DTNBP1: variants seen among roughly 807,000 people sequenced by gnomAD.
DTNBP1 encodes the protein dysbindin.
In DTNBP1, 35 loss-of-function variants were observed where a neutral mutation model predicts 42.8. That is an observed-to-expected ratio of 0.82 (90% confidence interval 0.63 to 1.09). The LOEUF is 1.09. Among genes scored for constraint, DTNBP1 ranks in the 50% least tolerant of loss-of-function variants. DTNBP1 has a pLI of 0.00. For missense variants in DTNBP1, 457 were observed against 424.2 expected (o/e 1.08, Z -0.68); for synonymous variants, 171 against 162.2 (o/e 1.05, Z -0.41).
intron 7 of DTNBP1, among the ~76,000 whole-genome samples, chr6:15,566,846 A>C (rs1476350799): frequency 6.6e-6 from 1 of 151,802 alleles, no homozygotes; most frequent in Non-Finnish European, 1.5e-5. Context: ...GATTATAGGC[A>C]CCCACCATCC....
At chr6:15,622,079 A>G (rs1759072865) in intron 5 of DTNBP1, among the ~76,000 whole-genome samples, 1 of 152,238 alleles carries the variant, frequency 6.6e-6, no homozygotes, top group African/African-American at 2.4e-5. Context: ...GAATTCAATA[A>G]AGAATAATTT....
At chr6:15,613,764 A>G (rs1561991933) in intron 6 of DTNBP1, among the ~76,000 whole-genome samples, 1 of 151,924 alleles carries the variant, frequency 6.6e-6, no homozygotes, top group Non-Finnish European at 1.5e-5. Context: ...CACACATACA[A>G]CCTTTTGTGA....
chr6:15,540,533 T>C (rs147934971), intron 7 of DTNBP1, among the ~76,000 whole-genome samples: 320 of 152,362 alleles, frequency 2.1e-3, no homozygotes, highest in African/African-American at 7.5e-3. Flanking sequence ...TCTCTCGTGT[T>C]GCTGAATTAT....
At chr6:15,531,165 G>T (rs894170220) in intron 8 of DTNBP1, among the ~76,000 whole-genome samples, 6 of 152,212 alleles carry the variant, frequency 3.9e-5, no homozygotes, top group African/African-American at 1.4e-4. Context: ...CCAGCATGCT[G>T]ATCTTGGATC....
At chr6:15,630,698 A>T (rs893607258) in intron 4 of DTNBP1, among the ~76,000 whole-genome samples, 1 of 152,130 alleles carries the variant, frequency 6.6e-6, no homozygotes, top group Non-Finnish European at 1.5e-5. Context: ...CTGGCGGATC[A>T]TGAGGTTGAG....
chr6:15,626,366 C>T (rs1313630179), intron 5 of DTNBP1, among the ~76,000 whole-genome samples: 2 of 152,208 alleles, frequency 1.3e-5, no homozygotes, highest in Non-Finnish European at 1.5e-5. Flanking sequence ...TACTACGTAT[C>T]TATTTTGTTC....
chr6:15,629,155 CA>C (rs1202906664), intron 4 of DTNBP1, among the ~76,000 whole-genome samples: 2 of 152,158 alleles, frequency 1.3e-5, no homozygotes, highest in Non-Finnish European at 2.9e-5. Context: ...TCTATGTTCA[CA>C]AAATTCATTT....
chr6:15,586,128 G>C lies in DTNBP1; in HGVS notation c.511+6931C>G, dbSNP rs1030712154. The C allele has an allele frequency of 8.4e-6, 6 of 715,322 alleles. No individual in the cohort carries two copies. The African/African-American group carries it at 1.1e-4, about 14-fold the overall frequency. The allele number at this position is 715,322 out of a possible 1,614,324, so 44.3% of individuals were successfully genotyped here. On this transcript the variant is annotated intron_variant, in intron 7 of 9. Coordinates refer to ENST00000344537, the MANE Select transcript of DTNBP1 (RefSeq NM_032122.5). ...GTCATCTAGGTACAAAGATGCTTTA[G>C]TAACACAGCAAAAGAGAGATGAAAT...
At chr6:15,656,388 T>G (rs1761282594) in intron 1 of DTNBP1, among the ~76,000 whole-genome samples, 1 of 152,116 alleles carries the variant, frequency 6.6e-6, no homozygotes, top group African/African-American at 2.4e-5. Context: ...CGTCATAAAG[T>G]TCAATAATTT....
chr6:15,541,454 T>A (rs1396490961), intron 7 of DTNBP1, among the ~76,000 whole-genome samples: 1 of 152,202 alleles, frequency 6.6e-6, no homozygotes, highest in Non-Finnish European at 1.5e-5. Flanking sequence ...CACATTAAGA[T>A]GCCATTTATT....
At chr6:15,534,272 T>C (rs1773072803) in intron 7 of DTNBP1, among the ~76,000 whole-genome samples, 1 of 152,202 alleles carries the variant, frequency 6.6e-6, no homozygotes. Context: ...ACAGCATGAA[T>C]ATATTTAATA....
chr6:15,615,519 T>G, intron 5 of DTNBP1, 120 bp from the exon 6 acceptor site: 1 of 1,364,336 alleles, frequency 7.3e-7, no homozygotes, highest in Admixed American at 1.9e-5. Context: ...TTTTAATGTT[T>G]TTTATTAAAC....
At chr6:15,546,063 CTT>C (rs34253215) in intron 7 of DTNBP1, 5,612 of 302,826 alleles carry the variant, frequency 0.019, no homozygotes, top group South Asian at 0.023. Context: ...ACCTCCAGTT[CTT>C]TTTTTTTTTT....
chr6:15,588,290 T>TAGA (rs1776160288), intron 7 of DTNBP1, among the ~76,000 whole-genome samples: 1 of 152,218 alleles, frequency 6.6e-6, no homozygotes, highest in African/African-American at 2.4e-5. Flanking sequence ...AGACCTGATC[T>TAGA]TCTCTAATCT....
At chr6:15,560,201 G>A (rs1240724385) in intron 7 of DTNBP1, among the ~76,000 whole-genome samples, 1 of 152,102 alleles carries the variant, frequency 6.6e-6, no homozygotes, top group Non-Finnish European at 1.5e-5. Context: ...AGCTACTCGG[G>A]AGGCTAAGGC....
Position 15,637,731 on chromosome 6 carries a change from G to T in DTNBP1, c.222+13C>A. The T allele has an allele frequency of 1.9e-6, 3 of 1,613,626 alleles. No homozygotes were observed. Among genetic ancestry groups the T allele is most frequent in the Non-Finnish European group, 2.5e-6 (3 of 1,179,848 alleles). On this transcript the variant is annotated intron_variant, in intron 4 of 9. Coordinates refer to ENST00000344537, the MANE Select transcript of DTNBP1 (RefSeq NM_032122.5). ...AAAGTTTGCCACGAGTATAAGATTA[G>T]TCAATTCTTTACCTCTCCAGCACTT...
intron 3 of DTNBP1, among the ~76,000 whole-genome samples, chr6:15,647,870 A>T (rs1274831957): frequency 6.6e-6 from 1 of 151,982 alleles, no homozygotes; most frequent in Non-Finnish European, 1.5e-5. Flanking sequence ...AAATCTTTTT[A>T]AAAAGAAAAT....
At chr6:15,627,549 A>T (rs1759423303) in intron 4 of DTNBP1, 74 bp from the exon 5 acceptor site, 20 of 1,590,486 alleles carry the variant, frequency 1.3e-5, no homozygotes, top group Admixed American at 3.4e-5. Flanking sequence ...ACGTAATGAG[A>T]TTTAATGTTA....
chr6:15,526,055 T>C (rs894306611), intron 8 of DTNBP1, among the ~76,000 whole-genome samples: 6 of 152,138 alleles, frequency 3.9e-5, no homozygotes, highest in Non-Finnish European at 8.8e-5. Flanking sequence ...AGGCAACTCA[T>C]GAACAACAAT....
Sources: allele counts gnomAD v4.1 joint callset (sites outside exome capture counted in the v4.1 genomes callset), GRCh38; gene constraint gnomAD v4.1.1; transcripts MANE v1.5; gene names NCBI Gene and HGNC (gene_info 2026-07-23, HGNC 2026-07-21).